Variants in CNDP2 observed in about 807,000 individuals in gnomAD.
CNDP2 encodes the protein cytosolic non-specific dipeptidase.
CNDP2 carries 38 observed loss-of-function variants against 55.0 expected under a neutral mutation model. The ratio of observed to expected loss-of-function variants is 0.69; its 90% CI spans 0.53 to 0.90. The LOEUF (loss-of-function observed/expected upper bound fraction) is 0.90. CNDP2 is among the 40% of genes least tolerant of loss of function. CNDP2 has a pLI of 0.00. For synonymous variants in CNDP2, 241 were observed against 260.2 expected (o/e 0.93, Z 0.71); for missense variants, 607 against 621.7 (o/e 0.98, Z 0.25).
intron 11 of CNDP2, among the ~76,000 whole-genome samples, chr18:74,519,743 G>T (rs552535334): frequency 6.6e-6 from 1 of 152,364 alleles, no homozygotes; most frequent in African/African-American, 2.4e-5. Flanking sequence ...AGGAGCCCAC[G>T]ATCCGAGCTT....
chr18:74,499,233 C>A (rs1978558210), intron 1 of CNDP2: 1 of 152,238 alleles, frequency 6.6e-6, no homozygotes, highest in Admixed American at 6.5e-5. Flanking sequence ...AATCAATTTT[C>A]CATTGTATTC....
chr18:74,496,414 G>A lies in CNDP2; in HGVS notation c.-110G>A, dbSNP rs1170071862. On this transcript the variant is annotated 5_prime_UTR_variant, in exon 1 of 12. It adds an upstream start codon to the 5' untranslated region. Coordinates refer to ENST00000324262, the MANE Select transcript of CNDP2 (RefSeq NM_018235.3). ...GCTGCTGGTAACAGGGCCTTGCCTA[G>A]TGGGCCTTCCTTCCCAGGTGGGTCT... 1.3e-5 allele frequency: 2 copies of A among 152,396 alleles called. No homozygotes were observed. The highest frequency in any genetic ancestry group is 2.9e-5 in the Non-Finnish European group (2 of 68,192). The allele number at this position is 152,396 out of a possible 1,614,324, so 9.4% of individuals were successfully genotyped here.
At position 74,512,495 on chromosome 18, in the gene CNDP2, G is replaced by A. The variant is rs767335251; in HGVS notation, c.705G>A (p.Ser235=). Residue 235 remains serine (S), a synonymous_variant, in exon 7 of 12, where the codon TCG becomes TCA. Transcript: ENST00000324262. ...KDLHSGVYGG[S]VHEAMTDLIL... ...TCCATTCTGGGGTGTACGGGGGCTC[G>A]GTGCATGAGGCCATGACTGATCTCA... is the stretch of plus-strand genomic sequence containing the variant. 6.2e-6 allele frequency: 10 copies of A among 1,613,900 alleles called. No homozygotes were observed. The highest frequency in any genetic ancestry group is 1.7e-5 in the Admixed American group (1 of 59,992).
intron 3 of CNDP2, chr18:74,505,166 A>G (rs1279953904): frequency 1.3e-5 from 2 of 152,208 alleles, no homozygotes; most frequent in Non-Finnish European, 2.9e-5. Context: ...AATGTACAGA[A>G]TTTCAAAAAT....
intron 3 of CNDP2, among the ~76,000 whole-genome samples, 169 bp downstream of exon 3, chr18:74,501,641 C>T (rs1311468630): frequency 6.6e-6 from 1 of 152,120 alleles, no homozygotes; most frequent in Non-Finnish European, 1.5e-5. Flanking sequence ...GTGACTGCTT[C>T]AGTTGGATTG....
intron 6 of CNDP2, chr18:74,511,226 G>A (rs1416452835): frequency 1.7e-6 from 1 of 587,610 alleles, no homozygotes; most frequent in Admixed American, 3.1e-5. Flanking sequence ...TCTCACAGCA[G>A]CATCAAGGTA....
chr18:74,518,139 T>C (rs1250380550), intron 9 of CNDP2: 2 of 161,710 alleles, frequency 1.2e-5, no homozygotes, highest in South Asian at 1.7e-4. Context: ...CGGGCGCCTG[T>C]AGTCCCAGCT....
chr18:74,517,165 C>T (rs1167045352), intron 9 of CNDP2: 1 of 152,138 alleles, frequency 6.6e-6, no homozygotes, highest in Non-Finnish European at 1.5e-5. Context: ...ATCTTCTCAC[C>T]CAGGCCCACC....
In CNDP2 at chr18:74,501,961, T is replaced by C. The variant is rs1230564773; in HGVS notation, c.204+489T>C. On this transcript the variant is annotated intron_variant, in intron 3 of 11. Transcript: ENST00000324262. ...CAGGCTGGAGTGCAGTGGCGTGATCTCGGCCCACTGCAACCTCCGCCTCCC... is the reference window on the plus strand; with the variant it reads ...CAGGCTGGAGTGCAGTGGCGTGATCCCGGCCCACTGCAACCTCCGCCTCCC... 2.0e-5 allele frequency among the ~76,000 whole-genome samples: 3 copies of C among 152,138 alleles called. No individual in the cohort carries two copies. The South Asian group carries it at 6.2e-4, about 32-fold the overall frequency.
At chr18:74,508,297 G>T (rs1052627441) in intron 4 of CNDP2, 5 of 153,416 alleles carry the variant, frequency 3.3e-5, no homozygotes, top group Admixed American at 1.3e-4. Flanking sequence ...TAGAAGCAGC[G>T]TCTTGTCTGT....
At chr18:74,505,120 C>A (rs929794409) in intron 3 of CNDP2, 2 of 152,094 alleles carry the variant, frequency 1.3e-5, no homozygotes, top group African/African-American at 4.8e-5. Context: ...TTATATATAT[C>A]TTGGTTTATG....
At position 74,505,972 on chromosome 18, in the gene CNDP2, G is replaced by A. The variant is rs373193075; in HGVS notation, c.328G>A (p.Gly110Ser). ...TGTGCAGCCTGCAGCCCTGGAGGAC[G>A]GCTGGGACAGCGAGCCCTTCACCCT... is the stretch of plus-strand genomic sequence containing the variant. ...LDVQPAALED[G>S]WDSEPFTLVE... The change falls in exon 4 of 12, where the codon GGC becomes AGC. Residue 110 changes from glycine to serine, a missense_variant. By Grantham distance (56) the Gly-to-Ser change is moderately conservative. Coordinates refer to ENST00000324262, the MANE Select transcript of CNDP2 (RefSeq NM_018235.3). 6.3e-5 allele frequency: 101 copies of A among 1,606,048 alleles called. No individual in the cohort carries two copies. Among genetic ancestry groups the A allele is most frequent in the Middle Eastern group, 3.3e-4 (2 of 6,036 alleles).
At chr18:74,503,931 C>T (rs1210894404) in intron 3 of CNDP2, among the ~76,000 whole-genome samples, 12 of 148,884 alleles carry the variant, frequency 8.1e-5, no homozygotes, top group African/African-American at 2.8e-4. Flanking sequence ...GCCGCTGGGA[C>T]AAATGAGGGG....
rs1312029326 is a variant in CNDP2, at chr18:74,497,483, TTTAAATCATG to T, written c.-93+1056_-93+1065del. ...CTCCTGCCCTCCACTAGTCTCAACA[TTTAAATCATG>T]TTACTCCCTTGCCAGGCATGGTGGC... On this transcript the variant is annotated intron_variant, in intron 1 of 11. Coordinates refer to ENST00000324262, the MANE Select transcript of CNDP2 (RefSeq NM_018235.3). 9.2e-5 allele frequency: 14 copies of T among 152,336 alleles called. 1 individual carries two copies. The East Asian group carries it at 1.7e-3, about 19-fold the overall frequency. The allele number at this position is 152,336 out of a possible 1,614,324, so 9.4% of individuals were successfully genotyped here. A position where few individuals can be genotyped will look rare whatever the true frequency, so the allele number is the denominator to read the frequency against.
Position 74,521,893 on chromosome 18 carries a change from C to G in CNDP2, c.*1825C>G, listed in dbSNP as rs1980068275. 6.6e-6 allele frequency: 1 copy of G among 152,296 alleles called. No homozygotes were observed. 9.4% of individuals were successfully genotyped at this position (152,296 alleles called of 1,614,324 possible). The stretch of plus-strand genomic sequence containing the variant: ...AACAGTAACTTCACAGTGGAGAGAC[C>G]TGGCAGGCACCACCCTCAGATCAAA... On this transcript the variant is annotated 3_prime_UTR_variant, in exon 12 of 12. Transcript: ENST00000324262.
In CNDP2 at chr18:74,520,304, C is replaced by G; in HGVS notation, c.*236C>G. ...ACCCTGGGTAAGTTCTCAGAGTGGT[C>G]AGGATGGCTTGACCTGCAGAAGATA... On this transcript the variant is annotated 3_prime_UTR_variant, in exon 12 of 12. Coordinates refer to ENST00000324262, the MANE Select transcript of CNDP2 (RefSeq NM_018235.3). 2.0e-6 allele frequency: 1 copy of G among 505,584 alleles called. No individual in the cohort carries two copies. Among genetic ancestry groups the G allele is most frequent in the Non-Finnish European group, 3.6e-6 (1 of 277,932 alleles). The allele number at this position is 505,584 out of a possible 1,614,324, so 31.3% of individuals were successfully genotyped here.
chr18:74,511,793 G>A (rs1335881595), intron 6 of CNDP2, among the ~76,000 whole-genome samples: 2 of 152,134 alleles, frequency 1.3e-5, no homozygotes, highest in Non-Finnish European at 1.5e-5. Context: ...CTGGCTGGTG[G>A]TCATCTCCCA....
rs780310206 is a variant in CNDP2 at position 74,513,620 on chromosome 18, C to T, written c.804C>T (p.Ala268=). ...LIPGINEAVA[A]VTEEEHKLYD... ...CCGGCATTAACGAGGCCGTGGCCGCCGTCACGGAAGAGGAGCACAAGCTGT... is the reference window on the plus strand; with the variant it reads ...CCGGCATTAACGAGGCCGTGGCCGCTGTCACGGAAGAGGAGCACAAGCTGT... The change falls in exon 8 of 12, where the codon GCC becomes GCT. Residue 268 remains alanine (A), a synonymous_variant. Transcript: ENST00000324262. 1.3e-5 allele frequency: 21 copies of T among 1,613,916 alleles called. No homozygotes were observed. In the East Asian group the frequency reaches 2.9e-4, roughly 22 times the overall value.
intron 1 of CNDP2, among the ~76,000 whole-genome samples, chr18:74,498,855 G>A (rs1363992434): frequency 2.0e-5 from 3 of 152,182 alleles, no homozygotes; most frequent in East Asian, 1.9e-4. Flanking sequence ...GGGCACTTGA[G>A]AAGGCAGTGG....
Sources: allele counts gnomAD v4.1 joint callset (sites outside exome capture counted in the v4.1 genomes callset), GRCh38; gene constraint gnomAD v4.1.1; transcripts MANE v1.5; gene names NCBI Gene and HGNC (gene_info 2026-07-23, HGNC 2026-07-21).